The following GPR39 variants were observed in gnomAD, a reference collection of about 807,000 sequenced individuals.
GPR39 encodes the protein zinc sensing receptor.
Under a neutral mutation model 18.4 loss-of-function variants are expected in GPR39, and 23 were observed. That is an observed-to-expected ratio of 1.25 (90% CI 0.90 to 1.77). The LOEUF is 1.77. Ranked by LOEUF, GPR39 falls within the 40% of genes most tolerant of loss-of-function variation. GPR39 has a pLI of 0.00. For missense variants in GPR39, 647 were observed against 602.4 expected (o/e 1.07, Z -0.78); for synonymous variants, 280 against 257.9 (o/e 1.09, Z -0.82).
chr2:132,532,992 C>A lies in GPR39; in HGVS notation c.857-112109C>A, dbSNP rs543787544. Among the ~76,000 whole-genome samples the A allele has an allele frequency of 3.3e-5, 5 of 152,132 alleles. No individual in the cohort carries two copies. The South Asian group carries it at 1.0e-3, about 32-fold the overall frequency. ...TTCAACGTAGTGTTGGAAGTTCTGG[C>A]CAGGGCAATCAGGCAGGAGAAGGAA... On this transcript the variant is annotated intron_variant, in intron 1 of 1. Coordinates refer to ENST00000329321, the MANE Select transcript of GPR39 (RefSeq NM_001508.3).
At chr2:132,608,033 T>C (rs59886339) in intron 1 of GPR39, among the ~76,000 whole-genome samples, 2 of 151,890 alleles carry the variant, frequency 1.3e-5, no homozygotes, top group Non-Finnish European at 2.9e-5. Flanking sequence ...AATATGATAC[T>C]GAGTTCCATG....
rs189405365 is a variant in GPR39 at position 132,427,201 on chromosome 2, G to A, written c.856+9303G>A. Among the ~76,000 whole-genome samples, 500 of 131,578 alleles carry A rather than the reference G, an allele frequency of 3.8e-3. 8 individuals are homozygous for A. The highest frequency in any genetic ancestry group is 0.018 in the Admixed American group (224 of 12,330). The allele number at this position is 131,578 out of a possible 152,430, so 86.3% of individuals were successfully genotyped here. On this transcript the variant is annotated intron_variant, in intron 1 of 1. Transcript: ENST00000329321. ...TTTTTTTGAGACGGAGTCTTGCTCCGTCGCCCAGGCTGGAGTGCAGTGGCA... is the reference window on the plus strand; with the variant it reads ...TTTTTTTGAGACGGAGTCTTGCTCCATCGCCCAGGCTGGAGTGCAGTGGCA...
chr2:132,584,304 C>T (rs922099622), intron 1 of GPR39, among the ~76,000 whole-genome samples: 26 of 152,126 alleles, frequency 1.7e-4, no homozygotes, highest in African/African-American at 6.3e-4. Context: ...CCCGAAAGGC[C>T]TGCGTGTTCC....
At chr2:132,459,681 G>C (rs912578961) in intron 1 of GPR39, among the ~76,000 whole-genome samples, 1 of 152,166 alleles carries the variant, frequency 6.6e-6, no homozygotes, top group Non-Finnish European at 1.5e-5. Flanking sequence ...CCCTTCTAGG[G>C]AATTCTTATT....
At chr2:132,591,871 G>A (rs1680852154) in intron 1 of GPR39, among the ~76,000 whole-genome samples, 1 of 152,168 alleles carries the variant, frequency 6.6e-6, no homozygotes, top group African/African-American at 2.4e-5. Flanking sequence ...ATTCACTTGG[G>A]TTAATGGCTA....
intron 1 of GPR39, among the ~76,000 whole-genome samples, chr2:132,468,180 C>A (rs189643584): frequency 3.9e-5 from 6 of 152,254 alleles, no homozygotes; most frequent in Admixed American, 2.6e-4. Context: ...TTGACCCAAC[C>A]AACATATTTC....
intron 1 of GPR39, among the ~76,000 whole-genome samples, chr2:132,492,062 G>A (rs1681473786): frequency 1.4e-5 from 2 of 147,396 alleles, no homozygotes; most frequent in Admixed American, 6.8e-5. Flanking sequence ...ACATATATAT[G>A]TATACACCAC....
chr2:132,633,452 G>T (rs1235044908), intron 1 of GPR39, among the ~76,000 whole-genome samples: 1 of 151,652 alleles, frequency 6.6e-6, no homozygotes, highest in South Asian at 2.1e-4. Context: ...AGAACTTTGG[G>T]CTGTTAAACA....
At chr2:132,639,510 C>T (rs1443204720) in intron 1 of GPR39, among the ~76,000 whole-genome samples, 1 of 152,120 alleles carries the variant, frequency 6.6e-6, no homozygotes, top group Non-Finnish European at 1.5e-5. Flanking sequence ...ATTTAAATTA[C>T]ACAAAATATC....
At chr2:132,578,949 T>G (rs542921591) in intron 1 of GPR39, among the ~76,000 whole-genome samples, 2 of 151,900 alleles carry the variant, frequency 1.3e-5, no homozygotes, top group Non-Finnish European at 1.5e-5. Context: ...AAATTTCAAT[T>G]TCATTAATTT....
chr2:132,646,169 C>T lies in GPR39; in HGVS notation c.*563C>T. 6.2e-7 allele frequency: 1 copy of T among 1,611,212 alleles called. No homozygotes were observed. Among genetic ancestry groups the T allele is most frequent in the Non-Finnish European group, 8.5e-7 (1 of 1,178,454 alleles). On this transcript the variant is annotated 3_prime_UTR_variant, in exon 2 of 2. Transcript: ENST00000329321. Reference sequence around the variant, plus strand: ...TGGCCCGTTACAAAGAGGGGTGTTGCAGCAGCTGATGCAAACTGAGTTCAG... The same window carrying T: ...TGGCCCGTTACAAAGAGGGGTGTTGTAGCAGCTGATGCAAACTGAGTTCAG...
intron 1 of GPR39, among the ~76,000 whole-genome samples, chr2:132,513,859 G>C (rs561838213): frequency 2.6e-5 from 4 of 152,146 alleles, no homozygotes; most frequent in Non-Finnish European, 5.9e-5. Context: ...GACTATAGGC[G>C]TGCGCCACCA....
At position 132,417,019 on chromosome 2, in the gene GPR39, C is replaced by T; in HGVS notation, c.-24C>T. 6.2e-7 allele frequency: 1 copy of T among 1,606,564 alleles called. No individual in the cohort carries two copies. The highest frequency in any genetic ancestry group is 8.5e-7 in the Non-Finnish European group (1 of 1,175,372). ...AAGGGAAGTTGAGAAAGTCTTTGGACCTGGTAGCCTGGTGCTCTTTCTCAT... is the reference window on the plus strand; with the variant it reads ...AAGGGAAGTTGAGAAAGTCTTTGGATCTGGTAGCCTGGTGCTCTTTCTCAT... On this transcript the variant is annotated 5_prime_UTR_variant, in exon 1 of 2. Transcript: ENST00000329321.
chr2:132,587,248 G>T (rs555467783), intron 1 of GPR39, among the ~76,000 whole-genome samples: 1 of 152,302 alleles, frequency 6.6e-6, no homozygotes, highest in South Asian at 2.1e-4. Context: ...TTTAAAAAAA[G>T]TATCTCCAAA....
intron 1 of GPR39, among the ~76,000 whole-genome samples, chr2:132,567,892 G>A (rs776470944): frequency 3.9e-5 from 6 of 151,972 alleles, no homozygotes; most frequent in Non-Finnish European, 7.3e-5. Context: ...CCCTACACAA[G>A]CGCTCTTCTC....
At chr2:132,423,208 G>A (rs1680047738) in intron 1 of GPR39, among the ~76,000 whole-genome samples, 1 of 151,908 alleles carries the variant, frequency 6.6e-6, no homozygotes, top group African/African-American at 2.4e-5. Flanking sequence ...GAGGACTGGA[G>A]ACATGATTGG....
intron 1 of GPR39, among the ~76,000 whole-genome samples, chr2:132,608,469 CTG>C (rs1298190621): frequency 6.6e-6 from 1 of 152,218 alleles, no homozygotes; most frequent in Non-Finnish European, 1.5e-5. Flanking sequence ...CTCAGTCCCA[CTG>C]TTTCCTTTTT....
Position 132,645,925 on chromosome 2 carries a change from C to T in GPR39, c.*319C>T, listed in dbSNP as rs1470984349. On this transcript the variant is annotated 3_prime_UTR_variant, in exon 2 of 2. Transcript: ENST00000329321. ...ATTTGCACAGGAACAAAAGAGAACA[C>T]GGACTCCCGCTCCCTACCCAGAATA... is the stretch of plus-strand genomic sequence containing the variant. 19 of 734,818 alleles carry T rather than the reference C, an allele frequency of 2.6e-5. No individual in the cohort carries two copies. Among genetic ancestry groups the T allele is most frequent in the African/African-American group, 1.8e-4 (10 of 55,704 alleles). 45.5% of individuals were successfully genotyped at this position (734,818 alleles called of 1,614,324 possible). A position where few individuals can be genotyped will look rare whatever the true frequency, so the allele number is the denominator to read the frequency against.
At chr2:132,535,067 T>G (rs962287752) in intron 1 of GPR39, among the ~76,000 whole-genome samples, 1 of 152,174 alleles carries the variant, frequency 6.6e-6, no homozygotes, top group Non-Finnish European at 1.5e-5. Context: ...TATCCTTTAT[T>G]TCTTTCTCTT....
Sources: gnomAD v4.1 joint callset for allele counts (sites outside exome capture counted in the v4.1 genomes callset) on GRCh38, gnomAD v4.1.1 for gene constraint, MANE v1.5 for transcripts, NCBI Gene and HGNC (gene_info 2026-07-23, HGNC 2026-07-21) for gene names.